Variants in TNS3 observed in about 807,000 individuals in gnomAD.
TNS3 encodes the protein tensin-3.
In TNS3, 45 loss-of-function variants were observed where a neutral mutation model predicts 140.9. The observed-to-expected ratio is 0.32, with a 90% confidence interval of 0.25 to 0.41. TNS3 has a LOEUF of 0.41. TNS3 is among the 10% of genes least tolerant of loss of function. TNS3 has a pLI of 1.00. For missense variants in TNS3, 1,716 were observed against 1,906.7 expected, an observed-to-expected ratio of 0.90 and a Z score of 1.86; for synonymous variants, 815 against 788.4, an observed-to-expected ratio of 1.03 and a Z score of -0.56.
chr7:47,536,835 G>T (rs1799615223), intron 1 of TNS3, among the ~76,000 whole-genome samples: 2 of 152,314 alleles, frequency 1.3e-5, no homozygotes, highest in South Asian at 4.1e-4. Context: ...GCGTGGACGT[G>T]CAGACGGGGT....
intron 20 of TNS3, among the ~76,000 whole-genome samples, chr7:47,328,572 G>A (rs2150898740): frequency 1.3e-5 from 2 of 152,148 alleles, no homozygotes; most frequent in East Asian, 3.9e-4. Flanking sequence ...AGCCAGAGAG[G>A]AAGTGGAAGC....
At chr7:47,467,556 G>A (rs1297527130) in intron 4 of TNS3, among the ~76,000 whole-genome samples, 1 of 152,122 alleles carries the variant, frequency 6.6e-6, no homozygotes, top group Non-Finnish European at 1.5e-5. Context: ...TTCAGATTTT[G>A]AAGCCAACAG....
chr7:47,424,938 G>A (rs1794570359), intron 9 of TNS3, among the ~76,000 whole-genome samples: 2 of 152,240 alleles, frequency 1.3e-5, no homozygotes, highest in Admixed American at 1.3e-4. Context: ...GCATTCATGG[G>A]ATTTCTTGAT....
At chr7:47,555,580 AC>A (rs1800175084) in intron 1 of TNS3, among the ~76,000 whole-genome samples, 1 of 152,150 alleles carries the variant, frequency 6.6e-6, no homozygotes, top group African/African-American at 2.4e-5. Context: ...GACGTGGCAA[AC>A]TTTATCATCG....
rs185135988 is a variant in TNS3, at chr7:47,565,314, A to T, written c.-265+16737T>A. Among the ~76,000 whole-genome samples the T allele has an allele frequency of 2.7e-3, 404 of 150,664 alleles. 11 individuals are homozygous for T. Among genetic ancestry groups the T allele is most frequent in the Admixed American group, 0.023 (340 of 15,108 alleles). ...ATGGTCTCGATCTCCTGACCTCGTGATCCACCTGCCTCAGCCTCCCAAAGT... is the reference window on the plus strand; with the variant it reads ...ATGGTCTCGATCTCCTGACCTCGTGTTCCACCTGCCTCAGCCTCCCAAAGT... On this transcript the variant is annotated intron_variant, in intron 1 of 30. Transcript: ENST00000311160.
At chr7:47,507,961 T>C (rs982805720) in intron 2 of TNS3, among the ~76,000 whole-genome samples, 1 of 152,168 alleles carries the variant, frequency 6.6e-6, no homozygotes, top group Non-Finnish European at 1.5e-5. Flanking sequence ...GGAGCTATCA[T>C]GGGTCAAATG....
At chr7:47,361,964 T>G (rs998305224) in intron 17 of TNS3, among the ~76,000 whole-genome samples, 4 of 152,192 alleles carry the variant, frequency 2.6e-5, no homozygotes, top group African/African-American at 9.7e-5. Context: ...GAATCATGAA[T>G]TTCACAGGTT....
At chr7:47,381,232 C>A (rs545926396) in intron 16 of TNS3, among the ~76,000 whole-genome samples, 1 of 152,206 alleles carries the variant, frequency 6.6e-6, no homozygotes, top group Non-Finnish European at 1.5e-5. Flanking sequence ...AGTAACCAGG[C>A]GGAAAATCTT....
At chr7:47,429,282 C>T (rs1257294890) in intron 8 of TNS3, among the ~76,000 whole-genome samples, 1 of 152,204 alleles carries the variant, frequency 6.6e-6, no homozygotes, top group African/African-American at 2.4e-5. Flanking sequence ...TTACCTACAT[C>T]CAGGGCTGCT....
At chr7:47,545,284 C>T (rs1490694790) in intron 1 of TNS3, among the ~76,000 whole-genome samples, 1 of 152,038 alleles carries the variant, frequency 6.6e-6, no homozygotes, top group Non-Finnish European at 1.5e-5. Flanking sequence ...AGACTACAGG[C>T]ATGCACCACC....
chr7:47,291,045 A>G (rs1307985410), intron 27 of TNS3, among the ~76,000 whole-genome samples: 1 of 152,210 alleles, frequency 6.6e-6, no homozygotes, highest in Non-Finnish European at 1.5e-5. Context: ...AGGAAACTTA[A>G]ATGCATATGA....
chr7:47,291,952 G>A lies in TNS3; in HGVS notation c.3928+3C>T. The A allele has an allele frequency of 1.2e-6, 2 of 1,614,078 alleles. No individual in the cohort carries two copies. Among genetic ancestry groups the A allele is most frequent in the Non-Finnish European group, 1.7e-6 (2 of 1,179,984 alleles). On this transcript the variant is annotated splice_donor_region_variant and intron_variant, in intron 27 of 30. Coordinates refer to ENST00000311160, the MANE Select transcript of TNS3 (RefSeq NM_022748.12). The stretch of plus-strand genomic sequence containing the variant: ...ATGTAGAAATGGAGCTGCATTTACT[G>A]ACCTGCCCCCTGCTTCAACAGCTCA...
At chr7:47,557,472 GA>G (rs1800225762) in intron 1 of TNS3, among the ~76,000 whole-genome samples, 1 of 151,944 alleles carries the variant, frequency 6.6e-6, no homozygotes, top group Admixed American at 6.6e-5. Flanking sequence ...AATGTGGAAC[GA>G]AAAAAATGGT....
chr7:47,491,594 C>T (rs554720847), intron 3 of TNS3, among the ~76,000 whole-genome samples: 7 of 152,186 alleles, frequency 4.6e-5, no homozygotes, highest in Admixed American at 1.3e-4. Context: ...CCATCTCAGT[C>T]GGCCATACAG....
chr7:47,577,846 G>A (rs1485217765), intron 1 of TNS3, among the ~76,000 whole-genome samples: 1 of 152,144 alleles, frequency 6.6e-6, no homozygotes, highest in Non-Finnish European at 1.5e-5. Flanking sequence ...TGGAGACAGG[G>A]ACAGAGAGGT....
At chr7:47,295,193 A>G (rs1214987689) in intron 24 of TNS3, among the ~76,000 whole-genome samples, 1 of 152,152 alleles carries the variant, frequency 6.6e-6, no homozygotes, top group African/African-American at 2.4e-5. Context: ...TGTTCCTTTC[A>G]TCTTAAGATT....
At position 47,529,090 on chromosome 7, in the gene TNS3, T is replaced by C. The variant is rs1343469424; in HGVS notation, c.-207A>G. ...ATTTGTTTGCAAACTCCACACACTT[T>C]GGATTTTTTAAAGGCCTTGTTCTTA... is the stretch of plus-strand genomic sequence containing the variant. On this transcript the variant is annotated 5_prime_UTR_variant, in exon 2 of 31. Transcript: ENST00000311160. The C allele has an allele frequency of 7.8e-7, 1 of 1,289,044 alleles. No homozygotes were observed. Among genetic ancestry groups the C allele is most frequent in the East Asian group, 5.5e-5 (1 of 18,038 alleles). The allele number at this position is 1,289,044 out of a possible 1,614,324, so 79.9% of individuals were successfully genotyped here.
intron 20 of TNS3, among the ~76,000 whole-genome samples, chr7:47,308,028 A>G (rs1478274218): frequency 6.6e-6 from 1 of 152,216 alleles, no homozygotes; most frequent in Non-Finnish European, 1.5e-5. Context: ...TAATCCAGTC[A>G]CAAAACATGT....
At chr7:47,330,122 C>A (rs961953836) in intron 20 of TNS3, among the ~76,000 whole-genome samples, 1 of 152,132 alleles carries the variant, frequency 6.6e-6, no homozygotes, top group Admixed American at 6.5e-5. Context: ...AGTCTGCTCC[C>A]CCCACCCAAA....
Sources: gnomAD v4.1 joint callset for allele counts (sites outside exome capture counted in the v4.1 genomes callset) on GRCh38, gnomAD v4.1.1 for gene constraint, MANE v1.5 for transcripts, NCBI Gene and HGNC (gene_info 2026-07-23, HGNC 2026-07-21) for gene names.